The following FRMPD4 variants were observed in gnomAD, a reference collection of about 807,000 sequenced individuals.
FRMPD4 encodes the protein FERM and PDZ domain containing 4.
A neutral mutation model predicts 94.1 loss-of-function variants in FRMPD4; 22 were observed. The ratio of observed to expected loss-of-function variants is 0.23; its 90% CI spans 0.17 to 0.33. FRMPD4 has a LOEUF of 0.33. Among genes scored for constraint, FRMPD4 ranks in the 10% least tolerant of loss-of-function variants. The probability of loss-of-function intolerance (pLI) is 1.00; values close to 1 mark genes in which losing one functional copy is unlikely to be tolerated. For synonymous variants in FRMPD4, 631 were observed against 548.6 expected (o/e 1.15, Z -2.10); for missense variants, 1,111 against 1,339.9 (o/e 0.83, Z 2.67).
chrX:12,715,069 T>C (rs1213814331), intron 14 of FRMPD4, among the ~76,000 whole-genome samples: 1 of 111,654 alleles, frequency 9.0e-6, no homozygotes. Flanking sequence ...CTGGGGGCAG[T>C]TTGAGGGAAC....
At chrX:12,316,590 G>A (rs1252376427) in intron 1 of FRMPD4, among the ~76,000 whole-genome samples, 3 of 110,864 alleles carry the variant, frequency 2.7e-5, no homozygotes, top group Non-Finnish European at 3.8e-5. Flanking sequence ...ATTTTGTATC[G>A]AACATGACCA....
rs187728708 is a variant in FRMPD4 at position 12,614,512 on chromosome X, T to C, written c.320-267T>C. Among the ~76,000 whole-genome samples the C allele has an allele frequency of 2.3e-3, 256 of 111,282 alleles. 1 individual carries two copies. The highest frequency in any genetic ancestry group is 4.6e-3 in the Middle Eastern group (1 of 217). ...GATCCCCAGGTGATTCACCATAAAG[T>C]GTGAGAAGCACTGCTAGACTGAGTC... is the stretch of plus-strand genomic sequence containing the variant. On this transcript the variant is annotated intron_variant, in intron 3 of 16. Coordinates refer to ENST00000675598, the MANE Select transcript of FRMPD4 (RefSeq NM_001368397.1).
intron 1 of FRMPD4, among the ~76,000 whole-genome samples, chrX:12,360,991 C>A (rs1341188262): frequency 9.5e-6 from 1 of 105,022 alleles, no homozygotes; most frequent in East Asian, 3.0e-4. Flanking sequence ...GTATTTTGAA[C>A]CCTGCAGACC....
At chrX:11,952,745 C>T (rs5978479) in intron 3 of FRMPD4, among the ~76,000 whole-genome samples, 6,463 of 111,839 alleles carry the variant, frequency 0.058, 210 homozygotes, top group East Asian at 0.18. Flanking sequence ...CCTTCCTTGG[C>T]AATGGCTGCC....
At chrX:12,332,036 A>G (rs2055422975) in intron 1 of FRMPD4, among the ~76,000 whole-genome samples, 1 of 58,741 alleles carries the variant, frequency 1.7e-5, no homozygotes, top group East Asian at 4.7e-4. Flanking sequence ...ATATATATTT[A>G]TATACTATAT....
intron 2 of FRMPD4, among the ~76,000 whole-genome samples, chrX:12,577,239 T>C (rs1215329562): frequency 3.6e-5 from 4 of 111,277 alleles, no homozygotes; most frequent in Non-Finnish European, 7.5e-5. Context: ...TGGAGAAGGC[T>C]ACGGTCCAGA....
intron 1 of FRMPD4, among the ~76,000 whole-genome samples, chrX:12,408,827 C>T (rs1363158359): frequency 8.9e-6 from 1 of 111,772 alleles, no homozygotes; most frequent in Non-Finnish European, 1.9e-5. Context: ...AAGGGCTGAC[C>T]TTGTTCAGCA....
chrX:12,695,218 G>A (rs1050784707), intron 9 of FRMPD4, among the ~76,000 whole-genome samples: 2 of 111,377 alleles, frequency 1.8e-5, no homozygotes, highest in Non-Finnish European at 3.8e-5. Flanking sequence ...AGAACAACGC[G>A]AGTGACTTTG....
At chrX:12,261,282 C>T (rs780266043) in intron 1 of FRMPD4, among the ~76,000 whole-genome samples, 1 of 111,942 alleles carries the variant, frequency 8.9e-6, no homozygotes, top group South Asian at 3.7e-4. Context: ...ATTTCAGAAT[C>T]ATTATAGCTG....
chrX:11,907,865 A>G (rs2053976302), intron 3 of FRMPD4, among the ~76,000 whole-genome samples: 1 of 110,492 alleles, frequency 9.1e-6, no homozygotes, highest in East Asian at 2.9e-4. Context: ...CTTTGCTTTA[A>G]TCTGTGGAAT....
chrX:12,427,978 C>T (rs748331534), intron 1 of FRMPD4, among the ~76,000 whole-genome samples: 5 of 91,563 alleles, frequency 5.5e-5, no homozygotes, highest in African/African-American at 8.5e-5. Context: ...GGCGCGATCT[C>T]GGCTCACTGC....
intron 1 of FRMPD4, among the ~76,000 whole-genome samples, chrX:12,493,388 C>T (rs1351984652): frequency 9.0e-6 from 1 of 111,291 alleles, no homozygotes; most frequent in Non-Finnish European, 1.9e-5. Flanking sequence ...AATTCTGGAT[C>T]GTGTTTTATT....
At position 12,707,604 on chromosome X, in the gene FRMPD4, G is replaced by A. The variant is rs761416670; in HGVS notation, c.1423G>A (p.Glu475Lys). ...CGTCAACAGGATCGAAATGTTTTCC[G>A]AGGAGGAGAGCTTGGTGCGGGTAGA... is the stretch of plus-strand genomic sequence containing the variant. ...SHVNRIEMFS[E>K]EESLVRVELH... The change falls in exon 13 of 17, where the codon GAG becomes AAG. Residue 475 changes from glutamate (E) to lysine (K), a missense_variant. Coordinates refer to ENST00000675598, the MANE Select transcript of FRMPD4 (RefSeq NM_001368397.1). 7.4e-6 allele frequency: 9 copies of A among 1,209,302 alleles called. No homozygotes were observed. The East Asian group carries it at 8.9e-5, about 12-fold the overall frequency.
intron 1 of FRMPD4, among the ~76,000 whole-genome samples, chrX:12,478,190 A>T (rs774514497): frequency 1.4e-4 from 16 of 111,874 alleles, no homozygotes; most frequent in African/African-American, 4.9e-4. Context: ...TGCTCCCAGG[A>T]AGAAGGAGGT....
intron 2 of FRMPD4, among the ~76,000 whole-genome samples, chrX:12,594,937 T>A (rs751408931): frequency 4.0e-4 from 45 of 112,121 alleles, no homozygotes; most frequent in African/African-American, 6.5e-5. Flanking sequence ...TTTACCAATC[T>A]GTTCCTCAAC....
chrX:12,316,171 C>A (rs1007148516), intron 1 of FRMPD4, among the ~76,000 whole-genome samples: 1 of 111,084 alleles, frequency 9.0e-6, no homozygotes, highest in African/African-American at 3.3e-5. Context: ...TTTTTTGAGA[C>A]AGTCTCGTTC....
intron 1 of FRMPD4, among the ~76,000 whole-genome samples, chrX:12,234,172 A>C (rs920274811): frequency 2.1e-4 from 23 of 110,914 alleles, no homozygotes; most frequent in African/African-American, 7.5e-4. Flanking sequence ...GGCAGAGTGC[A>C]AGGGGAGGTG....
chrX:12,171,067 C>T (rs953774515), intron 1 of FRMPD4, among the ~76,000 whole-genome samples: 13 of 113,150 alleles, frequency 1.1e-4, no homozygotes, highest in African/African-American at 3.8e-4. Context: ...TCTTTCCTGT[C>T]TCAGGGTACT....
At chrX:12,310,097 T>A (rs1489880998) in intron 1 of FRMPD4, among the ~76,000 whole-genome samples, 1 of 111,367 alleles carries the variant, frequency 9.0e-6, no homozygotes, top group Non-Finnish European at 1.9e-5. Flanking sequence ...ATCACCTGGG[T>A]GCAGGCGGGT....
Sources: gnomAD v4.1 joint callset for allele counts (sites outside exome capture counted in the v4.1 genomes callset) on GRCh38, gnomAD v4.1.1 for gene constraint, MANE v1.5 for transcripts, NCBI Gene and HGNC (gene_info 2026-07-23, HGNC 2026-07-21) for gene names.